Variants in FRK observed in about 807,000 individuals in gnomAD.
The protein encoded by FRK is fyn related Src family tyrosine kinase.
FRK carries 51 observed loss-of-function variants against 56.4 expected under a neutral mutation model. The observed-to-expected ratio is 0.90, with a 90% confidence interval of 0.72 to 1.14. The LOEUF is 1.14. Among genes scored for constraint, FRK ranks in the 50% most tolerant of loss-of-function variants. FRK has a pLI of 0.00. For synonymous variants in FRK, 245 were observed against 217.9 expected (o/e 1.12, Z -1.10); for missense variants, 570 against 601.4 (o/e 0.95, Z 0.55).
the FRK span, among the ~76,000 whole-genome samples, chr6:116,080,829 C>CA: frequency 6.6e-5 from 10 of 152,042 alleles, no homozygotes; most frequent in South Asian, 2.1e-3. Context: ...CCTTGATTGA[C>CA]AAAAAATATA....
At chr6:116,030,103 G>A (rs925777088) in intron 1 of FRK, among the ~76,000 whole-genome samples, 1 of 151,994 alleles carries the variant, frequency 6.6e-6, no homozygotes, top group South Asian at 2.1e-4. Flanking sequence ...TATTTGTGTG[G>A]TACAGAGTTG....
At chr6:116,024,723 C>T (rs918699630) in intron 1 of FRK, among the ~76,000 whole-genome samples, 4 of 152,140 alleles carry the variant, frequency 2.6e-5, no homozygotes, top group African/African-American at 9.7e-5. Flanking sequence ...CCACAATAAA[C>T]ATACGTGTGC....
chr6:115,949,709 AG>A (rs1413892140), intron 5 of FRK, among the ~76,000 whole-genome samples: 6 of 152,214 alleles, frequency 3.9e-5, no homozygotes, highest in African/African-American at 1.2e-4. Context: ...ACCAAAAAAG[AG>A]CCCGTATAGC....
At chr6:115,957,713 C>T (rs993753289) in intron 4 of FRK, among the ~76,000 whole-genome samples, 1 of 152,158 alleles carries the variant, frequency 6.6e-6, no homozygotes, top group Non-Finnish European at 1.5e-5. Context: ...AGCAGTCTCC[C>T]CTTTGAGAAC....
At position 115,936,696 on chromosome 6, in the gene FRK, C is replaced by T. The variant is rs1265914363; in HGVS notation, c.*5718G>A. 1 of 151,972 alleles carries T rather than the reference C, an allele frequency of 6.6e-6. No homozygotes were observed. Among genetic ancestry groups the T allele is most frequent in the Admixed American group, 6.6e-5 (1 of 15,250 alleles). 9.4% of individuals were successfully genotyped at this position (151,972 alleles called of 1,614,324 possible). ...ATGAAGCATACACAATTATCAATAG[C>T]CAAGTCGATAAAGCACAAGAAAGGA... On this transcript the variant is annotated 3_prime_UTR_variant, in exon 8 of 8. Coordinates refer to ENST00000606080, the MANE Select transcript of FRK (RefSeq NM_002031.3).
chr6:116,023,755 A>G (rs891727203), intron 1 of FRK, among the ~76,000 whole-genome samples: 5 of 152,174 alleles, frequency 3.3e-5, no homozygotes, highest in African/African-American at 9.7e-5. Flanking sequence ...CCTGGGCAAC[A>G]TACAAACCTC....
chr6:116,035,580 A>C (rs1450919562), intron 1 of FRK, among the ~76,000 whole-genome samples: 1 of 152,174 alleles, frequency 6.6e-6, no homozygotes, highest in Non-Finnish European at 1.5e-5. Flanking sequence ...GTATTAGCAC[A>C]TGACAGCTAG....
intron 1 of FRK, among the ~76,000 whole-genome samples, chr6:116,028,239 T>G (rs1369192276): frequency 5.3e-5 from 8 of 152,154 alleles, no homozygotes; most frequent in African/African-American, 1.9e-4. Flanking sequence ...CACAATTTAT[T>G]TTTAAAAATT....
intron 1 of FRK, among the ~76,000 whole-genome samples, chr6:116,032,303 TG>T (rs1326657136): frequency 6.6e-6 from 1 of 152,070 alleles, no homozygotes; most frequent in Non-Finnish European, 1.5e-5. Context: ...AAACATTATC[TG>T]CAACACATGA....
chr6:115,962,414 CA>C (rs1354387212), intron 4 of FRK, among the ~76,000 whole-genome samples: 3 of 143,744 alleles, frequency 2.1e-5, no homozygotes, highest in African/African-American at 7.8e-5. Context: ...GAGTGACCTA[CA>C]AAGAGACTTA....
At position 116,044,381 on chromosome 6, in the gene FRK, C is replaced by T. The variant is rs190410128; in HGVS notation, c.344+15587G>A. ...ATCCAGCAACATATAAAAAGTTATC[C>T]ACCATAATCAAGTCGGTTTCATCCT... On this transcript the variant is annotated intron_variant, in intron 1 of 7. Coordinates refer to ENST00000606080, the MANE Select transcript of FRK (RefSeq NM_002031.3). Among the ~76,000 whole-genome samples the T allele has an allele frequency of 1.2e-3, 184 of 152,258 alleles. 1 individual carries two copies. The highest frequency in any genetic ancestry group is 5.3e-3 in the Admixed American group (81 of 15,290).
chr6:116,020,400 T>G (rs1220476146), intron 1 of FRK, among the ~76,000 whole-genome samples: 1 of 152,100 alleles, frequency 6.6e-6, no homozygotes, highest in Non-Finnish European at 1.5e-5. Context: ...CAAGTGATTC[T>G]CCTGCCTCAG....
the FRK span, among the ~76,000 whole-genome samples, chr6:116,067,994 A>T: frequency 2.0e-5 from 3 of 152,168 alleles, no homozygotes. Flanking sequence ...CAAAATTTAG[A>T]TACTTCCTTT....
intron 1 of FRK, among the ~76,000 whole-genome samples, chr6:116,035,717 A>G (rs564360844): frequency 4.3e-4 from 66 of 152,216 alleles, no homozygotes; most frequent in Non-Finnish European, 7.9e-4. Context: ...AGTAGAATTA[A>G]TTCTTAAACG....
chr6:115,955,949 T>C (rs1469122547), intron 5 of FRK, among the ~76,000 whole-genome samples: 3 of 152,220 alleles, frequency 2.0e-5, no homozygotes, highest in East Asian at 1.9e-4. Flanking sequence ...TTCTGCTTTT[T>C]TGTCTGACAA....
chr6:116,058,910 C>CAAAAAA (rs3049930), intron 1 of FRK, among the ~76,000 whole-genome samples: 1 of 78,430 alleles, frequency 1.3e-5, no homozygotes, highest in Non-Finnish European at 2.4e-5. Context: ...GACTCCGTCT[C>CAAAAAA]AAAAAAAAAA....
chr6:116,090,010 C>T, the FRK span, among the ~76,000 whole-genome samples: 1 of 152,152 alleles, frequency 6.6e-6, no homozygotes, highest in African/African-American at 2.4e-5. Flanking sequence ...ATTTGAATTT[C>T]AGATAAATTT....
Position 115,933,339 on chromosome 6 carries a change from A to C in FRK, c.*9075T>G, listed in dbSNP as rs1459608032. On this transcript the variant is annotated 3_prime_UTR_variant, in exon 8 of 8. Coordinates refer to ENST00000606080, the MANE Select transcript of FRK (RefSeq NM_002031.3). ...AATTTAAGAAGAGCTGGCTCATTGT[A>C]GGAAAATTCAACTTATCTTTTCCTG... 2.6e-5 allele frequency: 4 copies of C among 152,248 alleles called. No homozygotes were observed. The highest frequency in any genetic ancestry group is 2.1e-4 in the South Asian group (1 of 4,838). 9.4% of individuals were successfully genotyped at this position (152,248 alleles called of 1,614,324 possible). A position where few individuals can be genotyped will look rare whatever the true frequency, so the allele number is the denominator to read the frequency against.
At chr6:116,021,664 TTAA>T (rs1775876653) in intron 1 of FRK, among the ~76,000 whole-genome samples, 1 of 152,110 alleles carries the variant, frequency 6.6e-6, no homozygotes, top group Non-Finnish European at 1.5e-5. Context: ...TTAAAATCTC[TTAA>T]TAACAAAAAT....
Sources: allele counts gnomAD v4.1 joint callset (sites outside exome capture counted in the v4.1 genomes callset), GRCh38; gene constraint gnomAD v4.1.1; transcripts MANE v1.5; gene names NCBI Gene and HGNC (gene_info 2026-07-23, HGNC 2026-07-21).